The following TSHZ3 variants were observed in gnomAD, a reference collection of about 807,000 sequenced individuals.
TSHZ3 encodes teashirt zinc finger homeobox 3, also known as teashirt homolog 3.
Under a neutral mutation model 64.5 loss-of-function variants are expected in TSHZ3, and 10 were observed. The ratio of observed to expected loss-of-function variants is 0.16; its 90% CI spans 0.10 to 0.26. The LOEUF is 0.26. TSHZ3 is among the 10% of genes least tolerant of loss of function. TSHZ3 has a pLI of 1.00. For missense variants in TSHZ3, 1,242 were observed against 1,421.7 expected, an observed-to-expected ratio of 0.87 and a Z score of 2.03; for synonymous variants, 608 against 593.1, an observed-to-expected ratio of 1.03 and a Z score of -0.36.
chr19:31,177,714 CT>C (rs1325282313), intron 5 of TSHZ3, among the ~76,000 whole-genome samples: 4 of 152,138 alleles, frequency 2.6e-5, no homozygotes, highest in African/African-American at 4.8e-5. Context: ...TTGGGGGTTG[CT>C]TTTTTTCCCC....
At chr19:31,190,879 A>T (rs1251348274) in intron 5 of TSHZ3, among the ~76,000 whole-genome samples, 1 of 108,934 alleles carries the variant, frequency 9.2e-6, no homozygotes, top group Non-Finnish European at 2.0e-5. Context: ...AAAAAAATAA[A>T]TAAAAATTCT....
At chr19:31,236,473 T>C (rs1487706141) in intron 3 of TSHZ3, among the ~76,000 whole-genome samples, 1 of 152,188 alleles carries the variant, frequency 6.6e-6, no homozygotes, top group African/African-American at 2.4e-5. Context: ...CTTAGTTCAT[T>C]TTTAATCAGG....
At chr19:31,348,949 C>G (rs1706563569) in intron 1 of TSHZ3, 1 of 509,842 alleles carries the variant, frequency 2.0e-6, no homozygotes, top group African/African-American at 2.0e-5. Context: ...GCGCGCTCCG[C>G]GAGCGGCTCC....
intron 5 of TSHZ3, among the ~76,000 whole-genome samples, chr19:31,197,657 TAAAG>T (rs1975012150): frequency 1.3e-5 from 2 of 151,966 alleles, no homozygotes; most frequent in East Asian, 3.9e-4. Flanking sequence ...CAAAGCATAA[TAAAG>T]AATGATTATA....
intron 5 of TSHZ3, among the ~76,000 whole-genome samples, chr19:31,183,173 T>C (rs2145128885): frequency 6.7e-6 from 1 of 148,630 alleles, no homozygotes; most frequent in African/African-American, 2.5e-5. Context: ...GCCAATTCTA[T>C]GAGATTCTCT....
At chr19:31,161,006 T>G (rs1381689596) in intron 5 of TSHZ3, among the ~76,000 whole-genome samples, 1 of 152,224 alleles carries the variant, frequency 6.6e-6, no homozygotes, top group African/African-American at 2.4e-5. Flanking sequence ...CTCTTAAATG[T>G]CTCTACAGCT....
chr19:31,264,548 C>A (rs1355466344), intron 1 of TSHZ3, among the ~76,000 whole-genome samples: 2 of 152,154 alleles, frequency 1.3e-5, no homozygotes, highest in Admixed American at 1.3e-4. Flanking sequence ...CCAGGGCCAG[C>A]CAGAGAGCGG....
chr19:31,162,092 T>C (rs1443415521), intron 5 of TSHZ3, among the ~76,000 whole-genome samples: 4 of 152,216 alleles, frequency 2.6e-5, no homozygotes, highest in African/African-American at 9.6e-5. Flanking sequence ...AATTAGGTGG[T>C]GAAGCCAATG....
At chr19:31,228,286 G>A (rs901603987) in intron 3 of TSHZ3, among the ~76,000 whole-genome samples, 1 of 152,096 alleles carries the variant, frequency 6.6e-6, no homozygotes, top group African/African-American at 2.4e-5. Context: ...AGCACTTCTG[G>A]AGGTCAAGGT....
intron 5 of TSHZ3, among the ~76,000 whole-genome samples, chr19:31,182,084 T>C (rs577148957): frequency 1.3e-5 from 2 of 152,236 alleles, no homozygotes; most frequent in African/African-American, 4.8e-5. Context: ...ATGCTCTACA[T>C]AGAGATAAAG....
At chr19:31,311,992 C>T (rs1229137152) in intron 1 of TSHZ3, among the ~76,000 whole-genome samples, 2 of 152,234 alleles carry the variant, frequency 1.3e-5, no homozygotes. Flanking sequence ...CCAAAGTGCT[C>T]GGATTACAGG....
chr19:31,258,740 G>C (rs1210833775), intron 1 of TSHZ3, among the ~76,000 whole-genome samples: 1 of 152,194 alleles, frequency 6.6e-6, no homozygotes, highest in African/African-American at 2.4e-5. Context: ...TCGGAGACTA[G>C]CTGTCAATCA....
intron 4 of TSHZ3, among the ~76,000 whole-genome samples, chr19:31,226,061 G>A (rs191735949): frequency 4.1e-4 from 62 of 151,842 alleles, no homozygotes; most frequent in Non-Finnish European, 7.9e-4. Context: ...GGGAGATGGA[G>A]GTTGCAGTGA....
intron 5 of TSHZ3, among the ~76,000 whole-genome samples, chr19:31,166,006 G>A (rs903244598): frequency 5.3e-5 from 8 of 152,102 alleles, no homozygotes; most frequent in African/African-American, 1.7e-4. Context: ...CAATAAAAAG[G>A]GATTTAGTGT....
At chr19:31,255,058 G>A (rs1975891326) in intron 1 of TSHZ3, among the ~76,000 whole-genome samples, 1 of 152,170 alleles carries the variant, frequency 6.6e-6, no homozygotes, top group African/African-American at 2.4e-5. Context: ...CCTTTCCAGA[G>A]ACTCTGATCA....
chr19:31,308,968 C>T (rs1175592510), intron 1 of TSHZ3, among the ~76,000 whole-genome samples: 3 of 152,268 alleles, frequency 2.0e-5, no homozygotes, highest in African/African-American at 4.8e-5. Context: ...AGGCCACCAG[C>T]CTGCCGTCCT....
intron 5 of TSHZ3, among the ~76,000 whole-genome samples, chr19:31,185,014 T>C (rs1382764739): frequency 6.6e-6 from 1 of 152,070 alleles, no homozygotes; most frequent in African/African-American, 2.4e-5. Context: ...GCCTCAGAAC[T>C]GTACCCTCCT....
chr19:31,224,073 A>G (rs1470692032), intron 4 of TSHZ3, among the ~76,000 whole-genome samples: 2 of 152,232 alleles, frequency 1.3e-5, no homozygotes, highest in Non-Finnish European at 2.9e-5. Flanking sequence ...GCACACAGGC[A>G]TGGAATCCGG....
In TSHZ3 at chr19:31,285,833, G is replaced by A. The variant is rs895086817; in HGVS notation, c.41-6081C>T. Among the ~76,000 whole-genome samples, 92 of 92,638 alleles carry A rather than the reference G, an allele frequency of 9.9e-4. 4 individuals are homozygous for A. Among genetic ancestry groups the A allele is most frequent in the Non-Finnish European group, 7.2e-4 (30 of 41,852 alleles). 60.8% of individuals were successfully genotyped at this position (92,638 alleles called of 152,430 possible). A position where few individuals can be genotyped will look rare whatever the true frequency, so the allele number is the denominator to read the frequency against. ...AGGAAAAGTGAAAGTGAAAGAAAAA[G>A]AAAAGAATGCATTATCATCCCTCTA... On this transcript the variant is annotated intron_variant, in intron 1 of 1. Transcript: ENST00000240587.
Sources: gnomAD v4.1 joint callset for allele counts (sites outside exome capture counted in the v4.1 genomes callset) on GRCh38, gnomAD v4.1.1 for gene constraint, MANE v1.5 for transcripts, NCBI Gene and HGNC (gene_info 2026-07-23, HGNC 2026-07-21) for gene names.